SYT1: variants seen among roughly 807,000 people sequenced by gnomAD.
The protein encoded by SYT1 is synaptotagmin 1, also known as synaptotagmin-1.
A neutral mutation model predicts 44.8 loss-of-function variants in SYT1; 8 were observed. That is an observed-to-expected ratio of 0.18 (90% CI 0.10 to 0.32). The LOEUF is 0.32. SYT1 is among the 10% of genes least tolerant of loss of function. SYT1 has a pLI of 1.00. For synonymous variants in SYT1, 154 were observed against 188.8 expected (o/e 0.82, Z 1.51); for missense variants, 286 against 509.3 (o/e 0.56, Z 4.22).
At chr12:79,253,133 C>T (rs1480613241) in intron 4 of SYT1, among the ~76,000 whole-genome samples, 3 of 151,958 alleles carry the variant, frequency 2.0e-5, no homozygotes, top group Non-Finnish European at 4.4e-5. Context: ...CAATCAATGA[C>T]AAAAAGAAAA....
In SYT1 at chr12:79,065,898, C is replaced by CG. The variant is rs1380736586; in HGVS notation, c.-18+18543dup. Among the ~76,000 whole-genome samples, 5 of 150,820 alleles carry CG rather than the reference C, an allele frequency of 3.3e-5. No individual in the cohort carries two copies. The East Asian group carries it at 5.8e-4, about 18-fold the overall frequency. On this transcript the variant is annotated intron_variant, in intron 3 of 10. Transcript: ENST00000261205. ...GCAAATTTTAAAAGATTAAAAATTACGGGGGGGAAGGGAAGAGGAAAGTTA... is the reference window on the plus strand; with the variant it reads ...GCAAATTTTAAAAGATTAAAAATTACGGGGGGGGAAGGGAAGAGGAAAGTTA...
rs556457012 is a variant in SYT1 at position 79,279,236 on chromosome 12, C to T, written c.167-6551C>T. Reference sequence around the variant, plus strand: ...GAAATGTCCCTGATGAACATAGATGCAAAAATTCTCAACAAAATACTAGAA... The same window carrying T: ...GAAATGTCCCTGATGAACATAGATGTAAAAATTCTCAACAAAATACTAGAA... On this transcript the variant is annotated intron_variant, in intron 4 of 10. Coordinates refer to ENST00000261205, the MANE Select transcript of SYT1 (RefSeq NM_005639.3). Among the ~76,000 whole-genome samples, 3 of 151,998 alleles carry T rather than the reference C, an allele frequency of 2.0e-5. No homozygotes were observed. In the South Asian group the frequency reaches 6.2e-4, roughly 32 times the overall value.
intron 1 of SYT1, among the ~76,000 whole-genome samples, chr12:78,904,825 C>A (rs1336771778): frequency 3.9e-5 from 6 of 151,938 alleles, no homozygotes; most frequent in Non-Finnish European, 8.8e-5. Flanking sequence ...TTGTCATTGG[C>A]AATTAGGCAT....
At chr12:78,896,467 A>G (rs1203251246) in intron 1 of SYT1, among the ~76,000 whole-genome samples, 1 of 151,512 alleles carries the variant, frequency 6.6e-6, no homozygotes, top group African/African-American at 2.4e-5. Flanking sequence ...ATCTATTGGG[A>G]AAAAAAATTT....
At chr12:79,249,260 G>A (rs909598503) in intron 4 of SYT1, among the ~76,000 whole-genome samples, 2 of 151,090 alleles carry the variant, frequency 1.3e-5, no homozygotes, top group Non-Finnish European at 3.0e-5. Flanking sequence ...GCCCGCCACC[G>A]CGCCCGGCTA....
chr12:78,892,265 A>C lies in SYT1; in HGVS notation c.-217+27156A>C, dbSNP rs879097685. Among the ~76,000 whole-genome samples the C allele has an allele frequency of 9.9e-5, 15 of 151,940 alleles. No individual in the cohort carries two copies. In the East Asian group the frequency reaches 1.9e-3, roughly 20 times the overall value. ...CATCTTATCACGTTTTTAACATGAA[A>C]ACAACCTACCTACTACCTACCACTA... On this transcript the variant is annotated intron_variant, in intron 1 of 10. Transcript: ENST00000261205.
At chr12:79,163,155 C>T (rs1436626055) in intron 3 of SYT1, among the ~76,000 whole-genome samples, 1 of 152,102 alleles carries the variant, frequency 6.6e-6, no homozygotes, top group Non-Finnish European at 1.5e-5. Context: ...GGGACACCTA[C>T]TGCACACAGG....
At chr12:79,311,751 A>T (rs1880808384) in intron 8 of SYT1, among the ~76,000 whole-genome samples, 1 of 147,688 alleles carries the variant, frequency 6.8e-6, no homozygotes, top group Non-Finnish European at 1.5e-5. Flanking sequence ...CATCATTCTC[A>T]GTAAACTATC....
chr12:79,413,961 T>C (rs1436719636), intron 9 of SYT1, among the ~76,000 whole-genome samples: 1 of 152,210 alleles, frequency 6.6e-6, no homozygotes, highest in Non-Finnish European at 1.5e-5. Flanking sequence ...AAGGCAAATA[T>C]GCATTTTTTG....
At chr12:79,356,616 A>G (rs966775112) in intron 9 of SYT1, among the ~76,000 whole-genome samples, 2 of 152,174 alleles carry the variant, frequency 1.3e-5, no homozygotes, top group African/African-American at 2.4e-5. Context: ...TCAAATGCCA[A>G]AGTACATTTG....
chr12:79,420,120 C>A (rs890981385), intron 9 of SYT1, among the ~76,000 whole-genome samples: 1 of 152,040 alleles, frequency 6.6e-6, no homozygotes, highest in Non-Finnish European at 1.5e-5. Context: ...ACAGACAATA[C>A]AACATAGCTC....
intron 1 of SYT1, among the ~76,000 whole-genome samples, chr12:78,895,447 A>T (rs1473683640): frequency 6.6e-6 from 1 of 151,780 alleles, no homozygotes; most frequent in East Asian, 1.9e-4. Context: ...AAAGAAAAAC[A>T]CATTTGGTAG....
intron 1 of SYT1, among the ~76,000 whole-genome samples, chr12:78,890,540 A>T (rs1874996017): frequency 6.6e-6 from 1 of 151,578 alleles, no homozygotes; most frequent in African/African-American, 2.4e-5. Flanking sequence ...AAGTATAATA[A>T]AATAATAATA....
chr12:78,942,016 C>T (rs932365599), intron 1 of SYT1, among the ~76,000 whole-genome samples: 3 of 152,210 alleles, frequency 2.0e-5, no homozygotes, highest in Non-Finnish European at 4.4e-5. Context: ...TTACTATTTT[C>T]CTTTTGGCCT....
chr12:79,132,944 C>A (rs1868945229), intron 3 of SYT1, among the ~76,000 whole-genome samples: 2 of 152,056 alleles, frequency 1.3e-5, no homozygotes, highest in Non-Finnish European at 2.9e-5. Context: ...TCATTTGCAG[C>A]AACATGGATG....
At chr12:78,924,147 TG>T (rs1221821985) in intron 1 of SYT1, among the ~76,000 whole-genome samples, 2 of 151,916 alleles carry the variant, frequency 1.3e-5, no homozygotes, top group Non-Finnish European at 2.9e-5. Flanking sequence ...ACCACAGAAG[TG>T]ATGATGTGTC....
intron 2 of SYT1, among the ~76,000 whole-genome samples, chr12:79,003,667 T>A (rs897072190): frequency 6.6e-6 from 1 of 152,028 alleles, no homozygotes; most frequent in Admixed American, 6.6e-5. Flanking sequence ...ACTGCAGATC[T>A]TTCTGAACTC....
chr12:78,943,034 A>G (rs1005399222), intron 1 of SYT1, among the ~76,000 whole-genome samples: 11 of 152,222 alleles, frequency 7.2e-5, no homozygotes, highest in Non-Finnish European at 1.5e-4. Flanking sequence ...TAGTCTAATA[A>G]TAGTAAATAT....
rs77865635 is a variant in SYT1, at chr12:79,246,590, G to C, written c.166+28905G>C. Among the ~76,000 whole-genome samples the C allele has an allele frequency of 4.9e-3, 742 of 152,298 alleles. 10 individuals carry two copies. The highest frequency in any genetic ancestry group is 0.017 in the African/African-American group (711 of 41,560). The stretch of plus-strand genomic sequence containing the variant: ...CTTCTAAGATGGTGCCTTGAACACT[G>C]TCTCCTCACACGGTGGCAGGTGGAA... On this transcript the variant is annotated intron_variant, in intron 4 of 10. Coordinates refer to ENST00000261205, the MANE Select transcript of SYT1 (RefSeq NM_005639.3).
Sources: gnomAD v4.1 joint callset for allele counts (sites outside exome capture counted in the v4.1 genomes callset) on GRCh38, gnomAD v4.1.1 for gene constraint, MANE v1.5 for transcripts, NCBI Gene and HGNC (gene_info 2026-07-23, HGNC 2026-07-21) for gene names.